Variants in CERS6 observed in about 807,000 individuals in gnomAD.
The protein encoded by CERS6 is LAG1 homolog, ceramide synthase 6.
A neutral mutation model predicts 56.8 loss-of-function variants in CERS6; 26 were observed. The ratio of observed to expected loss-of-function variants is 0.46; its 90% CI spans 0.34 to 0.63. The LOEUF is 0.63. Among genes scored for constraint, CERS6 ranks in the 30% least tolerant of loss-of-function variants. CERS6 has a pLI of 0.01. For synonymous variants in CERS6, 164 were observed against 173.3 expected (o/e 0.95, Z 0.42); for missense variants, 415 against 467.5 (o/e 0.89, Z 1.04).
chr2:168,479,638 T>C (rs1694140717), intron 1 of CERS6, among the ~76,000 whole-genome samples: 1 of 152,168 alleles, frequency 6.6e-6, no homozygotes, highest in African/African-American at 2.4e-5. Flanking sequence ...GACAGAGTTT[T>C]GCTCTTGTTG....
Position 168,456,636 on chromosome 2 carries a change from C to T in CERS6, c.170+18C>T. The T allele has an allele frequency of 6.2e-7, 1 of 1,610,320 alleles. No homozygotes were observed. The highest frequency in any genetic ancestry group is 8.5e-7 in the Non-Finnish European group (1 of 1,177,630). On this transcript the variant is annotated intron_variant, in intron 1 of 9. Transcript: ENST00000305747. The surrounding 1 kb of genome is among the most constrained non-coding windows in gnomAD (Gnocchi z 4.1). ...TTCGAGAGGTAAGAAGGGCTGAAGC[C>T]CCTCCTCCCCTCCCCCTGCGCACAC... is the stretch of plus-strand genomic sequence containing the variant.
chr2:168,689,458 T>A (rs931944038), intron 4 of CERS6, among the ~76,000 whole-genome samples: 1 of 152,190 alleles, frequency 6.6e-6, no homozygotes, highest in Non-Finnish European at 1.5e-5. Flanking sequence ...TGATGAAAAT[T>A]TAAATTATTT....
intron 4 of CERS6, among the ~76,000 whole-genome samples, chr2:168,651,328 C>G (rs1049347560): frequency 6.6e-6 from 1 of 152,088 alleles, no homozygotes; most frequent in Non-Finnish European, 1.5e-5. Flanking sequence ...GTTTATTTTC[C>G]AAAGTAGTCA....
intron 4 of CERS6, among the ~76,000 whole-genome samples, chr2:168,670,971 C>CA (rs946809240): frequency 1.8e-5 from 1 of 57,000 alleles, no homozygotes; most frequent in Non-Finnish European, 7.6e-5. Context: ...ATGCTTCCCC[C>CA]CCCCCCCCCA....
At chr2:168,729,524 A>G (rs1683458319) in intron 8 of CERS6, among the ~76,000 whole-genome samples, 1 of 152,142 alleles carries the variant, frequency 6.6e-6, no homozygotes, top group Non-Finnish European at 1.5e-5. Flanking sequence ...TTGGACTGCC[A>G]TGTGCCTGTC....
chr2:168,619,860 G>A (rs1316108023), intron 3 of CERS6, among the ~76,000 whole-genome samples: 1 of 151,546 alleles, frequency 6.6e-6, no homozygotes, highest in Non-Finnish European at 1.5e-5. Context: ...AAGTCATTAT[G>A]TGAAAAAGAT....
chr2:168,542,102 G>A (rs1450241009), intron 1 of CERS6, among the ~76,000 whole-genome samples: 5 of 152,138 alleles, frequency 3.3e-5, no homozygotes, highest in Non-Finnish European at 7.3e-5. Flanking sequence ...AGTCTCCAGA[G>A]CCCTCAGGTA....
rs201615374 is a variant in CERS6, at chr2:168,670,015, ATTAC to A, written c.466-21012_466-21009del. On this transcript the variant is annotated intron_variant, in intron 4 of 9. Transcript: ENST00000305747. The stretch of plus-strand genomic sequence containing the variant: ...TATACTCCATCGGATTCATTTTTGT[ATTAC>A]TTACTTTGTTGTCTTCTGTTATCAA... Among the ~76,000 whole-genome samples the A allele has an allele frequency of 3.6e-3, 543 of 152,302 alleles. 3 individuals are homozygous for A. Among genetic ancestry groups the A allele is most frequent in the Admixed American group, 0.019 (289 of 15,302 alleles).
intron 1 of CERS6, among the ~76,000 whole-genome samples, chr2:168,472,157 A>G (rs1340393938): frequency 6.6e-6 from 1 of 152,190 alleles, no homozygotes; most frequent in Non-Finnish European, 1.5e-5. Flanking sequence ...AAATGTTCAT[A>G]TGGCATTGTT....
chr2:168,482,790 T>C (rs1161685314), intron 1 of CERS6, among the ~76,000 whole-genome samples: 1 of 152,256 alleles, frequency 6.6e-6, no homozygotes, highest in East Asian at 1.9e-4. Context: ...GAAGGCTGTG[T>C]ACATTTGATA....
chr2:168,601,494 A>G (rs1456614328), intron 3 of CERS6, among the ~76,000 whole-genome samples: 1 of 151,576 alleles, frequency 6.6e-6, no homozygotes, highest in African/African-American at 2.4e-5. Context: ...TAGTCCAGCC[A>G]TCTCATTTCA....
intron 4 of CERS6, among the ~76,000 whole-genome samples, chr2:168,680,926 C>T (rs940313086): frequency 6.6e-6 from 1 of 152,210 alleles, no homozygotes; most frequent in African/African-American, 2.4e-5. Flanking sequence ...TGTCCTTAAC[C>T]ACTTGTGTTT....
chr2:168,681,379 A>G (rs116562597), intron 4 of CERS6, among the ~76,000 whole-genome samples: 5,529 of 152,324 alleles, frequency 0.036, 118 homozygotes, highest in Non-Finnish European at 0.049. Flanking sequence ...ATCCTGTGCT[A>G]TTAATTTCAA....
intron 3 of CERS6, among the ~76,000 whole-genome samples, chr2:168,570,081 A>G (rs1351570964): frequency 6.6e-6 from 1 of 152,076 alleles, no homozygotes; most frequent in Non-Finnish European, 1.5e-5. Context: ...TACCTAAGAG[A>G]GGTGGCTCTG....
intron 1 of CERS6, among the ~76,000 whole-genome samples, chr2:168,516,032 T>C (rs1694878590): frequency 6.6e-6 from 1 of 152,224 alleles, no homozygotes; most frequent in Non-Finnish European, 1.5e-5. Flanking sequence ...ATCTTGAAAT[T>C]TGGAACAATG....
At chr2:168,582,611 A>G (rs1683444467) in intron 3 of CERS6, among the ~76,000 whole-genome samples, 1 of 152,182 alleles carries the variant, frequency 6.6e-6, no homozygotes, top group South Asian at 2.1e-4. Flanking sequence ...ATAAGGTTTC[A>G]AATGTGGTCA....
At chr2:168,661,991 C>T (rs981917585) in intron 4 of CERS6, among the ~76,000 whole-genome samples, 1 of 152,174 alleles carries the variant, frequency 6.6e-6, no homozygotes, top group Non-Finnish European at 1.5e-5. Flanking sequence ...ATTGCAGTCT[C>T]TTTTAAATAA....
intron 4 of CERS6, among the ~76,000 whole-genome samples, chr2:168,667,063 A>G (rs1188797888): frequency 6.6e-6 from 1 of 152,174 alleles, no homozygotes; most frequent in Non-Finnish European, 1.5e-5. Flanking sequence ...TTCACATATG[A>G]CATGGATAAG....
chr2:168,515,917 A>T (rs749284341), intron 1 of CERS6, among the ~76,000 whole-genome samples: 28 of 152,274 alleles, frequency 1.8e-4, no homozygotes, highest in Admixed American at 3.3e-4. Flanking sequence ...CTTGCAGTAT[A>T]AAAGAATGGA....
Sources: allele counts gnomAD v4.1 joint callset (sites outside exome capture counted in the v4.1 genomes callset), GRCh38; gene constraint gnomAD v4.1.1; non-coding constraint Gnocchi (gnomAD v3.1); transcripts MANE v1.5; gene names NCBI Gene and HGNC (gene_info 2026-07-23, HGNC 2026-07-21).